Variants in MEOX1 observed in about 807,000 individuals in gnomAD.
MEOX1 encodes mesenchyme homeobox 1.
A neutral mutation model predicts 23.2 loss-of-function variants in MEOX1; 17 were observed. That is an observed-to-expected ratio of 0.73 (90% CI 0.50 to 1.10). The LOEUF (loss-of-function observed/expected upper bound fraction) is 1.10. Among genes scored for constraint, MEOX1 ranks in the 50% least tolerant of loss-of-function variants. MEOX1 has a pLI of 0.00. For synonymous variants in MEOX1, 134 were observed against 135.1 expected (o/e 0.99, Z 0.06); for missense variants, 333 against 332.2 (o/e 1.00, Z -0.02).
At chr17:43,646,718 G>A (rs925250131) in intron 1 of MEOX1, among the ~76,000 whole-genome samples, 8 of 152,256 alleles carry the variant, frequency 5.3e-5, no homozygotes, top group Admixed American at 2.6e-4. Context: ...GCTCACGCCT[G>A]TAATCCCAGC....
At position 43,661,185 on chromosome 17, in the gene MEOX1, C is replaced by A; in HGVS notation, c.350G>T (p.Gly117Val). The A allele has an allele frequency of 6.2e-7, 1 of 1,605,380 alleles. No homozygotes were observed. The highest frequency in any genetic ancestry group is 8.5e-7 in the Non-Finnish European group (1 of 1,175,394). Reference sequence around the variant, plus strand: ...GTCCACCAGGCCCAGGCTGCTGGTCCCCATTTCCTTGGAACCCCCTGCCGG... The same window carrying A: ...GTCCACCAGGCCCAGGCTGCTGGTCACCATTTCCTTGGAACCCCCTGCCGG... Reference protein sequence around the residue: ...SGPAGGSKEMGTSSLGLVDTT... With the variant: ...SGPAGGSKEMVTSSLGLVDTT... Residue 117 changes from glycine (G) to valine (V), a missense_variant, in exon 1 of 3, where the codon GGG (glycine) becomes GTG (valine). By Grantham distance (109) the Gly-to-Val change is moderately radical (BLOSUM62 -3). Coordinates refer to ENST00000318579, the MANE Select transcript of MEOX1 (RefSeq NM_004527.4).
chr17:43,661,866 C>T lies in MEOX1; in HGVS notation c.-332G>A, dbSNP rs924355439. On this transcript the variant is annotated 5_prime_UTR_variant, in exon 1 of 3. Coordinates refer to ENST00000318579, the MANE Select transcript of MEOX1 (RefSeq NM_004527.4). ...AACATTTTCACTGTCCCAACCCAGA[C>T]GCACCAGCTGACGAGGAGTTCGTCC... is the stretch of plus-strand genomic sequence containing the variant. 8.9e-6 allele frequency: 2 copies of T among 224,306 alleles called. No individual in the cohort carries two copies. Among genetic ancestry groups the T allele is most frequent in the East Asian group, 8.6e-5 (1 of 11,574 alleles). The allele number at this position is 224,306 out of a possible 1,614,324, so 13.9% of individuals were successfully genotyped here. A position where few individuals can be genotyped will look rare whatever the true frequency, so the allele number is the denominator to read the frequency against.
Position 43,661,253 on chromosome 17 carries a change from C to T in MEOX1, c.282G>A (p.Trp94Ter). 1 of 1,609,092 alleles carries T rather than the reference C, an allele frequency of 6.2e-7. No individual in the cohort carries two copies. Among genetic ancestry groups the T allele is most frequent in the Non-Finnish European group, 8.5e-7 (1 of 1,177,166 alleles). ...QHPAFPQSPN[W>*]HFPVSDARRR... Reference sequence around the variant, plus strand: ...GCCGGGCGTCTGAGACAGGGAAGTGCCAGTTGGGGGACTGTGGGAAAGCGG... The same window carrying T: ...GCCGGGCGTCTGAGACAGGGAAGTGTCAGTTGGGGGACTGTGGGAAAGCGG... Residue 94 changes from tryptophan (W) to a stop codon, truncating the protein, a stop_gained, in exon 1 of 3, where the codon TGG (tryptophan) becomes TGA (stop). Transcript: ENST00000318579. LOFTEE classifies it high-confidence loss of function.
At chr17:43,646,160 C>G (rs558555593) in intron 1 of MEOX1, among the ~76,000 whole-genome samples, 7 of 152,268 alleles carry the variant, frequency 4.6e-5, no homozygotes, top group African/African-American at 1.4e-4. Context: ...CGCGGGCTGC[C>G]TGCCCGGCGG....
At chr17:43,654,130 G>A (rs1972968427) in intron 1 of MEOX1, among the ~76,000 whole-genome samples, 1 of 152,184 alleles carries the variant, frequency 6.6e-6, no homozygotes, top group Non-Finnish European at 1.5e-5. Context: ...CTTAGAGTGT[G>A]TCTGTATTTG....
At chr17:43,658,647 G>C (rs1973084370) in intron 1 of MEOX1, among the ~76,000 whole-genome samples, 2 of 152,138 alleles carry the variant, frequency 1.3e-5, no homozygotes. Flanking sequence ...TGGGTGGGGG[G>C]CTCTCTGTGG....
chr17:43,660,109 C>A (rs1973109808), intron 1 of MEOX1, among the ~76,000 whole-genome samples: 2 of 152,246 alleles, frequency 1.3e-5, no homozygotes, highest in Non-Finnish European at 2.9e-5. Context: ...GCAGCACGGG[C>A]AGGAGGCTTG....
chr17:43,652,159 C>T (rs753143448), intron 1 of MEOX1, among the ~76,000 whole-genome samples: 26 of 152,154 alleles, frequency 1.7e-4, no homozygotes, highest in Admixed American at 6.5e-4. Context: ...TCCCCTCCCA[C>T]GCTGGCCACT....
At position 43,643,797 on chromosome 17, in the gene MEOX1, C is replaced by T. The variant is rs113188321; in HGVS notation, c.470-137G>A. The T allele has an allele frequency of 2.9e-4, 175 of 596,230 alleles. 2 individuals are homozygous for T. The highest frequency in any genetic ancestry group is 2.9e-3 in the African/African-American group (155 of 53,392). 36.9% of individuals were successfully genotyped at this position (596,230 alleles called of 1,614,324 possible). On this transcript the variant is annotated intron_variant, in intron 1 of 2. Transcript: ENST00000318579. ...GATGCTGAGAAAAAAGCTACACTGT[C>T]CTTTTTATTCCTTCTGGTGTCTTAC... is the stretch of plus-strand genomic sequence containing the variant.
chr17:43,657,077 T>C lies in MEOX1; in HGVS notation c.469+3989A>G, dbSNP rs527893856. On this transcript the variant is annotated intron_variant, in intron 1 of 2. Coordinates refer to ENST00000318579, the MANE Select transcript of MEOX1 (RefSeq NM_004527.4). ...TTCTTTCCTTCCTTCCTTCTTTCTT[T>C]CTTTTCTTTCTTTCTTTTTCTTTCT... Among the ~76,000 whole-genome samples, 17 of 144,132 alleles carry C rather than the reference T, an allele frequency of 1.2e-4. No individual in the cohort carries two copies. The East Asian group carries it at 3.4e-3, about 29-fold the overall frequency. 94.6% of individuals were successfully genotyped at this position (144,132 alleles called of 152,430 possible).
chr17:43,654,210 C>T (rs1034144500), intron 1 of MEOX1, among the ~76,000 whole-genome samples: 2 of 152,120 alleles, frequency 1.3e-5, no homozygotes, highest in Admixed American at 6.5e-5. Context: ...TCCAATCTGC[C>T]TGATATGCTT....
chr17:43,654,314 GC>G (rs1259596309), intron 1 of MEOX1, among the ~76,000 whole-genome samples: 1 of 152,050 alleles, frequency 6.6e-6, no homozygotes, highest in Admixed American at 6.5e-5. Flanking sequence ...TTCGAGACCA[GC>G]CTGGCCAACA....
rs1001577423 is a variant in MEOX1, at chr17:43,643,156, A to C, written c.642+332T>G. 5.9e-5 allele frequency among the ~76,000 whole-genome samples: 9 copies of C among 152,078 alleles called. 1 individual carries two copies. The highest frequency in any genetic ancestry group is 1.4e-4 in the African/African-American group (6 of 41,414). On this transcript the variant is annotated intron_variant, in intron 2 of 2. Transcript: ENST00000318579. ...AAACCCCGCCTCTACTAAAAAAAAA[A>C]ACAAAAATTAGCCGGGCGTGGTGGC...
rs543462178 is a variant in MEOX1 at position 43,641,000 on chromosome 17, C to G, written c.*910G>C. 1 of 152,124 alleles carries G rather than the reference C, an allele frequency of 6.6e-6. No individual in the cohort carries two copies. Among genetic ancestry groups the G allele is most frequent in the African/African-American group, 2.4e-5 (1 of 41,426 alleles). 9.4% of individuals were successfully genotyped at this position (152,124 alleles called of 1,614,324 possible). A position where few individuals can be genotyped will look rare whatever the true frequency, so the allele number is the denominator to read the frequency against. ...TGCAGGGGACACTTTCCAGCCTCTA[C>G]GTTGTTTTCAGCTCCTAGTTGTTCA... On this transcript the variant is annotated 3_prime_UTR_variant, in exon 3 of 3. Transcript: ENST00000318579.
chr17:43,651,921 T>C (rs1285616656), intron 1 of MEOX1, among the ~76,000 whole-genome samples: 7 of 152,300 alleles, frequency 4.6e-5, no homozygotes, highest in African/African-American at 1.7e-4. Flanking sequence ...TCCTGCTGCC[T>C]CAGCAGAAAC....
At chr17:43,649,924 G>A (rs1244366216) in intron 1 of MEOX1, among the ~76,000 whole-genome samples, 3 of 152,150 alleles carry the variant, frequency 2.0e-5, no homozygotes, top group Non-Finnish European at 4.4e-5. Context: ...ACCATCCAGG[G>A]CAAATTATTT....
At chr17:43,659,585 G>A (rs1017657614) in intron 1 of MEOX1, among the ~76,000 whole-genome samples, 11 of 152,160 alleles carry the variant, frequency 7.2e-5, no homozygotes, top group Admixed American at 2.6e-4. Flanking sequence ...GGACTGTGGG[G>A]TTTCCTACGA....
intron 1 of MEOX1, among the ~76,000 whole-genome samples, chr17:43,657,012 CTCTT>C (rs3034954): frequency 0.047 from 4,983 of 104,984 alleles, 106 homozygotes; most frequent in East Asian, 0.065. Context: ...TTCTTTCTTT[CTCTT>C]TCTTTCTTTC....
intron 1 of MEOX1, among the ~76,000 whole-genome samples, chr17:43,658,443 GT>G (rs2154589022): frequency 6.7e-6 from 1 of 149,380 alleles, no homozygotes; most frequent in Admixed American, 6.8e-5. Context: ...AGGGGCAGAG[GT>G]TGCAGTGAAT....
Sources: gnomAD v4.1 joint callset for allele counts (sites outside exome capture counted in the v4.1 genomes callset) on GRCh38, gnomAD v4.1.1 for gene constraint, MANE v1.5 for transcripts, NCBI Gene and HGNC (gene_info 2026-07-23, HGNC 2026-07-21) for gene names.